RBFOX1: variants seen among roughly 807,000 people sequenced by gnomAD.
RBFOX1 encodes the protein RNA binding fox-1 homolog 1.
RBFOX1 carries 8 observed loss-of-function variants against 57.7 expected under a neutral mutation model. The observed-to-expected ratio is 0.14, with a 90% CI of 0.08 to 0.25. RBFOX1 has a LOEUF of 0.25. Ranked by LOEUF, RBFOX1 falls within the 10% of genes least tolerant of loss-of-function variation. RBFOX1 has a pLI of 1.00. For synonymous variants in RBFOX1, 326 were observed against 222.4 expected, an observed-to-expected ratio of 1.47 and a Z score of -4.15; for missense variants, 611 against 548.5, an observed-to-expected ratio of 1.11 and a Z score of -1.14.
At chr16:7,234,538 T>G (rs1160981806) in intron 4 of RBFOX1, among the ~76,000 whole-genome samples, 1 of 151,964 alleles carries the variant, frequency 6.6e-6, no homozygotes, top group African/African-American at 2.4e-5. Context: ...CTGGATAGTA[T>G]GAAGCATTTA....
At chr16:6,484,506 T>C (rs2095432482) in intron 2 of RBFOX1, among the ~76,000 whole-genome samples, 2 of 152,272 alleles carry the variant, frequency 1.3e-5, no homozygotes, top group Non-Finnish European at 1.5e-5. Context: ...ATGGGAGAAA[T>C]GTGCCTTGCC....
At chr16:5,811,455 T>G (rs974950366) in intron 3 of RBFOX1, among the ~76,000 whole-genome samples, 1 of 22,794 alleles carries the variant, frequency 4.4e-5, no homozygotes, top group African/African-American at 1.3e-4. Context: ...AACAAAGTAT[T>G]TTTTTTTTTT....
At chr16:5,588,945 C>G (rs1253179468) in intron 2 of RBFOX1, among the ~76,000 whole-genome samples, 1 of 152,116 alleles carries the variant, frequency 6.6e-6, no homozygotes, top group Admixed American at 6.6e-5. Context: ...TTTGCAGAAA[C>G]AAAGAGTTGA....
chr16:7,132,455 C>G (rs867245129), intron 4 of RBFOX1, among the ~76,000 whole-genome samples: 3 of 139,442 alleles, frequency 2.2e-5, no homozygotes, highest in African/African-American at 5.8e-5. Flanking sequence ...CACACACACA[C>G]ACACACACAC....
At chr16:7,160,885 C>G (rs186800821) in intron 4 of RBFOX1, among the ~76,000 whole-genome samples, 1 of 150,974 alleles carries the variant, frequency 6.6e-6, no homozygotes, top group Admixed American at 6.6e-5. Context: ...ATCTTGGAAG[C>G]TTTCCAATTC....
At chr16:6,575,626 G>A (rs536966282) in intron 2 of RBFOX1, among the ~76,000 whole-genome samples, 21 of 152,184 alleles carry the variant, frequency 1.4e-4, no homozygotes, top group Admixed American at 1.1e-3. Flanking sequence ...GGGAGGCCAC[G>A]GTGGGCAGAT....
chr16:7,246,146 T>C (rs2094289323), intron 4 of RBFOX1, among the ~76,000 whole-genome samples: 1 of 152,210 alleles, frequency 6.6e-6, no homozygotes, highest in Non-Finnish European at 1.5e-5. Flanking sequence ...CTGGTAAATG[T>C]TTTGTTCAAG....
At position 5,262,119 on chromosome 16, in the gene RBFOX1, G is replaced by C. The variant is rs140802348; in HGVS notation, c.219+22014G>C. 4.6e-5 allele frequency among the ~76,000 whole-genome samples: 7 copies of C among 152,288 alleles called. No homozygotes were observed. In the East Asian group the frequency reaches 1.2e-3, roughly 25 times the overall value. ...AGCAACTAATTCTATTAATATTTGG[G>C]GTTAGCAGGGAAGGCTTAGTTAAGA... is the stretch of plus-strand genomic sequence containing the variant. On this transcript the variant is annotated intron_variant, in intron 1 of 2. Transcript: ENST00000585867.
intron 4 of RBFOX1, among the ~76,000 whole-genome samples, chr16:7,161,771 C>T (rs975089679): frequency 9.2e-5 from 14 of 152,158 alleles, no homozygotes; most frequent in African/African-American, 3.1e-4. Context: ...TACAAACCAA[C>T]ATTTATAGAG....
At chr16:7,340,036 G>A (rs930958540) in intron 4 of RBFOX1, among the ~76,000 whole-genome samples, 1 of 152,152 alleles carries the variant, frequency 6.6e-6, no homozygotes, top group Non-Finnish European at 1.5e-5. Flanking sequence ...ATTCCAGATT[G>A]CAGTCTCATT....
chr16:6,285,966 A>G (rs1262361458), intron 1 of RBFOX1, among the ~76,000 whole-genome samples: 1 of 152,184 alleles, frequency 6.6e-6, no homozygotes, highest in Non-Finnish European at 1.5e-5. Context: ...CAGTCGGCGG[A>G]GCGTTATTTA....
chr16:5,663,137 G>C (rs1367581825), intron 3 of RBFOX1, among the ~76,000 whole-genome samples: 5 of 152,180 alleles, frequency 3.3e-5, no homozygotes. Flanking sequence ...GCATAGGACA[G>C]CTGTCTACAA....
chr16:5,512,181 G>A (rs2043618143), intron 2 of RBFOX1, among the ~76,000 whole-genome samples: 1 of 152,192 alleles, frequency 6.6e-6, no homozygotes, highest in South Asian at 2.1e-4. Context: ...TTGCATGGGA[G>A]TTTGCACGAG....
At chr16:7,180,798 A>C (rs2082548890) in intron 4 of RBFOX1, among the ~76,000 whole-genome samples, 1 of 151,748 alleles carries the variant, frequency 6.6e-6, no homozygotes, top group Admixed American at 6.6e-5. Flanking sequence ...AGTTTATTTT[A>C]AGCATCAAGG....
At chr16:5,586,883 G>A (rs2046848015) in intron 2 of RBFOX1, among the ~76,000 whole-genome samples, 1 of 152,180 alleles carries the variant, frequency 6.6e-6, no homozygotes. Context: ...TCCTTGAAAT[G>A]CTGACACTCT....
chr16:6,357,405 G>A (rs913716472), intron 2 of RBFOX1, among the ~76,000 whole-genome samples: 2 of 151,916 alleles, frequency 1.3e-5, no homozygotes. Flanking sequence ...CTTATTCCCC[G>A]GACTCCTCAG....
At chr16:6,514,130 C>G (rs999056739) in intron 2 of RBFOX1, among the ~76,000 whole-genome samples, 3 of 152,114 alleles carry the variant, frequency 2.0e-5, no homozygotes, top group African/African-American at 7.2e-5. Flanking sequence ...GTAATCAGCC[C>G]TAGGTGTCAC....
At chr16:6,977,118 A>G (rs1321618531) in intron 3 of RBFOX1, among the ~76,000 whole-genome samples, 2 of 142,234 alleles carry the variant, frequency 1.4e-5, no homozygotes, top group African/African-American at 5.2e-5. Context: ...TATGATCTAT[A>G]TTATCATATA....
chr16:7,041,768 C>G (rs899313), intron 3 of RBFOX1, among the ~76,000 whole-genome samples: 3 of 152,142 alleles, frequency 2.0e-5, no homozygotes, highest in Non-Finnish European at 4.4e-5. Context: ...TCATTTGACC[C>G]AGTGCTTCTT....
Sources: allele counts gnomAD v4.1 joint callset (sites outside exome capture counted in the v4.1 genomes callset), GRCh38; gene constraint gnomAD v4.1.1; transcripts MANE v1.5; gene names NCBI Gene and HGNC (gene_info 2026-07-23, HGNC 2026-07-21).